The following GTF2F2 variants were observed in gnomAD, a reference collection of about 807,000 sequenced individuals.
GTF2F2 encodes the protein general transcription factor IIF subunit 2.
In GTF2F2, 23 loss-of-function variants were observed where a neutral mutation model predicts 42.2. The observed-to-expected ratio is 0.55, with a 90% confidence interval of 0.39 to 0.77. The LOEUF (loss-of-function observed/expected upper bound fraction) is 0.77, where lower values mean the gene tolerates loss of function less well. GTF2F2 is among the 30% of genes least tolerant of loss of function. The pLI, the probability that GTF2F2 is intolerant of heterozygous loss-of-function variation, is 0.00. For synonymous variants in GTF2F2, 105 were observed against 100.8 expected, an observed-to-expected ratio of 1.04 and a Z score of -0.25; for missense variants, 261 against 287.2, an observed-to-expected ratio of 0.91 and a Z score of 0.66.
intron 7 of GTF2F2, among the ~76,000 whole-genome samples, chr13:45,277,932 T>C (rs1877102097): frequency 6.6e-6 from 1 of 152,188 alleles, no homozygotes; most frequent in Admixed American, 6.5e-5. Flanking sequence ...ACTAACAGGG[T>C]CATATTGTTA....
At chr13:45,167,955 G>T (rs1258613280) in intron 4 of GTF2F2, among the ~76,000 whole-genome samples, 1 of 152,186 alleles carries the variant, frequency 6.6e-6, no homozygotes, top group Non-Finnish European at 1.5e-5. Flanking sequence ...ACACCACCCA[G>T]TGTTGTTTAC....
chr13:45,173,608 T>C (rs1253120209), intron 4 of GTF2F2, among the ~76,000 whole-genome samples: 1 of 145,430 alleles, frequency 6.9e-6, no homozygotes, highest in Admixed American at 6.9e-5. Context: ...TTTATAACTT[T>C]GTCATTTTTT....
chr13:45,166,016 G>A (rs991356517), intron 4 of GTF2F2, among the ~76,000 whole-genome samples: 2 of 151,832 alleles, frequency 1.3e-5, no homozygotes, highest in African/African-American at 4.8e-5. Context: ...GTTTCACCAT[G>A]TTGGCCAGGC....
intron 4 of GTF2F2, among the ~76,000 whole-genome samples, chr13:45,182,834 C>G (rs535285862): frequency 6.6e-6 from 1 of 152,136 alleles, no homozygotes; most frequent in Non-Finnish European, 1.5e-5. Flanking sequence ...TTATCCCTCA[C>G]GTGCCAGTCC....
Position 45,188,692 on chromosome 13 carries a change from A to G in GTF2F2, c.305-18732A>G, listed in dbSNP as rs77185968. Among the ~76,000 whole-genome samples, 670 of 152,314 alleles carry G rather than the reference A, an allele frequency of 4.4e-3. 3 individuals carry two copies. Among genetic ancestry groups the G allele is most frequent in the Non-Finnish European group, 7.4e-3 (500 of 68,022 alleles). ...TTAAGGATCTTGCTTATAATCATGT[A>G]AGCAAGTTAGTGGAAGTTAATGGAA... On this transcript the variant is annotated intron_variant, in intron 4 of 7. Transcript: ENST00000340473.
rs1204151356 is a variant in GTF2F2 at position 45,227,178 on chromosome 13, TC to T, written c.386+19674del. On this transcript the variant is annotated intron_variant, in intron 5 of 7. Transcript: ENST00000340473. ...TGTATTATTTCATTTTTCAATTTTT[TC>T]TTTCTCTTTAAGGTATATAATTATA... is the stretch of plus-strand genomic sequence containing the variant. Among the ~76,000 whole-genome samples, 7 of 152,346 alleles carry T rather than the reference TC, an allele frequency of 4.6e-5. No individual in the cohort carries two copies. In the South Asian group the frequency reaches 1.4e-3, roughly 32 times the overall value.
At chr13:45,191,222 A>ATATATATATATATATATATATATAT (rs1555267758) in intron 4 of GTF2F2, among the ~76,000 whole-genome samples, 1 of 69,986 alleles carries the variant, frequency 1.4e-5, no homozygotes, top group African/African-American at 1.1e-4. Flanking sequence ...ATACAAAAAA[A>ATATATATATATATATATATATATAT]AAATATATAT....
intron 5 of GTF2F2, among the ~76,000 whole-genome samples, chr13:45,232,088 G>A (rs1236649676): frequency 1.3e-5 from 2 of 152,136 alleles, no homozygotes; most frequent in Non-Finnish European, 2.9e-5. Context: ...ATAGTCATAG[G>A]ATTACAGAAA....
At chr13:45,242,946 TA>T (rs1417781622) in intron 5 of GTF2F2, among the ~76,000 whole-genome samples, 7 of 152,318 alleles carry the variant, frequency 4.6e-5, no homozygotes, top group Non-Finnish European at 1.0e-4. Flanking sequence ...GTTCATCCTG[TA>T]AAATACTTGG....
chr13:45,171,101 A>G (rs1871577193), intron 4 of GTF2F2, among the ~76,000 whole-genome samples: 1 of 128,220 alleles, frequency 7.8e-6, no homozygotes, highest in Admixed American at 8.4e-5. Flanking sequence ...TTTTTGAGAC[A>G]GAGTCTTGGT....
chr13:45,250,771 C>A (rs887423389), intron 5 of GTF2F2, among the ~76,000 whole-genome samples: 3 of 152,116 alleles, frequency 2.0e-5, no homozygotes, highest in Non-Finnish European at 2.9e-5. Flanking sequence ...TAGTAAGAGG[C>A]CATCGAAGAA....
At chr13:45,198,572 C>G (rs1253065869) in intron 4 of GTF2F2, among the ~76,000 whole-genome samples, 1 of 152,198 alleles carries the variant, frequency 6.6e-6, no homozygotes. Context: ...CAGCTGCATG[C>G]TTCTCTGCTT....
chr13:45,193,912 G>C (rs1434138357), intron 4 of GTF2F2: 1 of 1,613,962 alleles, frequency 6.2e-7, no homozygotes, highest in Non-Finnish European at 8.5e-7. Context: ...AGTTTCCAAG[G>C]TACAGACAAA....
At chr13:45,165,038 A>G (rs1432685987) in intron 4 of GTF2F2, among the ~76,000 whole-genome samples, 2 of 152,158 alleles carry the variant, frequency 1.3e-5, no homozygotes, top group African/African-American at 2.4e-5. Flanking sequence ...TATAGCTGCT[A>G]TAGCTGTTTT....
chr13:45,248,367 A>AAT (rs1875734452), intron 5 of GTF2F2, among the ~76,000 whole-genome samples: 1 of 152,136 alleles, frequency 6.6e-6, no homozygotes, highest in Non-Finnish European at 1.5e-5. Flanking sequence ...GCATTTGAAG[A>AAT]ATATATATTT....
At chr13:45,182,923 C>T (rs764612062) in intron 4 of GTF2F2, among the ~76,000 whole-genome samples, 4 of 152,200 alleles carry the variant, frequency 2.6e-5, no homozygotes, top group Admixed American at 6.5e-5. Flanking sequence ...GTAGCACACT[C>T]GTCAGGCAGG....
At chr13:45,229,362 G>A (rs1326120044) in intron 5 of GTF2F2, among the ~76,000 whole-genome samples, 5 of 151,890 alleles carry the variant, frequency 3.3e-5, no homozygotes, top group African/African-American at 1.2e-4. Context: ...CATCACCTCC[G>A]GAAAAGCCTC....
Position 45,167,679 on chromosome 13 carries a change from G to A in GTF2F2, c.304+15848G>A, listed in dbSNP as rs576010939. The stretch of plus-strand genomic sequence containing the variant: ...TCCCAAAAGTGCTGGGATTACAGGC[G>A]TGAGCCACCGTGCCCGGCCCCCCAG... On this transcript the variant is annotated intron_variant, in intron 4 of 7. Transcript: ENST00000340473. 1.1e-4 allele frequency among the ~76,000 whole-genome samples: 16 copies of A among 152,086 alleles called. No homozygotes were observed. In the East Asian group the frequency reaches 2.3e-3, roughly 22 times the overall value.
intron 1 of GTF2F2, among the ~76,000 whole-genome samples, 168 bp downstream of exon 1, chr13:45,120,889 G>A (rs1868594828): frequency 1.3e-5 from 2 of 152,160 alleles, no homozygotes; most frequent in South Asian, 2.1e-4. Flanking sequence ...TTGCAGACGA[G>A]GAATTAGTTT....
Sources: allele counts gnomAD v4.1 joint callset (sites outside exome capture counted in the v4.1 genomes callset), GRCh38; gene constraint gnomAD v4.1.1; transcripts MANE v1.5; gene names NCBI Gene and HGNC (gene_info 2026-07-23, HGNC 2026-07-21).